GRK7: variants seen among roughly 807,000 people sequenced by gnomAD.
GRK7 encodes the protein rhodopsin kinase GRK7.
In GRK7, 24 loss-of-function variants were observed where a neutral mutation model predicts 34.1. The observed-to-expected ratio is 0.70, with a 90% CI of 0.51 to 0.99. GRK7 has a LOEUF of 0.99. Among genes scored for constraint, GRK7 ranks in the 50% least tolerant of loss-of-function variants. The pLI, the probability that GRK7 is intolerant of heterozygous loss-of-function variation, is 0.00. For synonymous variants in GRK7, 256 were observed against 279.4 expected (o/e 0.92, Z 0.84); for missense variants, 644 against 707.3 (o/e 0.91, Z 1.02).
At chr3:141,777,389 A>G (rs1261531512) in intron 2 of GRK7, among the ~76,000 whole-genome samples, 1 of 120,816 alleles carries the variant, frequency 8.3e-6, no homozygotes, top group African/African-American at 3.3e-5. Context: ...CAGTGGCGCA[A>G]TCTCGGCTCA....
intron 4 of GRK7, among the ~76,000 whole-genome samples, chr3:141,796,451 A>G (rs1333745940): frequency 6.6e-6 from 1 of 152,264 alleles, no homozygotes; most frequent in African/African-American, 2.4e-5. Context: ...CTTCAGTCAC[A>G]ATCCCCGCTG....
At chr3:141,767,309 A>G (rs1237009562) in intron 1 of GRK7, among the ~76,000 whole-genome samples, 1 of 152,198 alleles carries the variant, frequency 6.6e-6, no homozygotes, top group Non-Finnish European at 1.5e-5. Flanking sequence ...TTCATTATCA[A>G]TTGGAACAGA....
At chr3:141,792,918 T>C (rs777928966) in intron 4 of GRK7, among the ~76,000 whole-genome samples, 1 of 152,050 alleles carries the variant, frequency 6.6e-6, no homozygotes, top group Non-Finnish European at 1.5e-5. Flanking sequence ...GAAGACTCCA[T>C]AAAAACCCAA....
chr3:141,799,547 G>A (rs1710929348), intron 4 of GRK7, among the ~76,000 whole-genome samples: 1 of 152,070 alleles, frequency 6.6e-6, no homozygotes, highest in African/African-American at 2.4e-5. Flanking sequence ...GGGAGGTGGA[G>A]GTTGCAGTGA....
intron 1 of GRK7, among the ~76,000 whole-genome samples, chr3:141,767,564 A>AT (rs1225501855): frequency 4.0e-5 from 6 of 151,414 alleles, no homozygotes; most frequent in Middle Eastern, 3.4e-3. Flanking sequence ...CCATGCCCAG[A>AT]TTTTTTTTGT....
rs1280467798 is a variant in GRK7, at chr3:141,780,513, TTG to T, written c.754_755del (p.Val252LeufsTer7). ...TTGGAGAAGGTCAGCAGCCCTTTCA[TTG>T]TCTCTCTGGCCTATGCCTTTGAGAG... On this transcript the variant is annotated frameshift_variant, in exon 4 of 6. Coordinates refer to ENST00000682958, the MANE Select transcript of GRK7 (RefSeq NM_139209.3). LOFTEE classifies it high-confidence loss of function. The T allele has an allele frequency of 6.2e-7, 1 of 1,614,132 alleles. No individual in the cohort carries two copies. The highest frequency in any genetic ancestry group is 2.2e-5 in the East Asian group (1 of 44,894).
At chr3:141,809,590 C>T (rs1372404868) in intron 5 of GRK7, among the ~76,000 whole-genome samples, 1 of 151,682 alleles carries the variant, frequency 6.6e-6, no homozygotes, top group Non-Finnish European at 1.5e-5. Flanking sequence ...CCCAGCTACT[C>T]AAGAGGCTGA....
At position 141,816,812 on chromosome 3, in the gene GRK7, C is replaced by T. The variant is rs1411130395; in HGVS notation, c.1424C>T (p.Pro475Leu). The change falls in exon 6 of 6, where the codon CCT becomes CTT. Residue 475 changes from proline (P) to leucine (L), a missense_variant. Transcript: ENST00000682958. ...ATTGAACCCCCATTTGTGCCAGACCCTTCAGTGGTTTATGCCAAAGACATC... is the reference window on the plus strand; with the variant it reads ...ATTGAACCCCCATTTGTGCCAGACCTTTCAGTGGTTTATGCCAAAGACATC... ...GLIEPPFVPD[P>L]SVVYAKDIAE... 1.2e-6 allele frequency: 2 copies of T among 1,612,594 alleles called. No homozygotes were observed. Among genetic ancestry groups the T allele is most frequent in the Admixed American group, 1.7e-5 (1 of 59,896 alleles).
At chr3:141,799,733 A>G (rs1027319041) in intron 4 of GRK7, among the ~76,000 whole-genome samples, 16 of 152,204 alleles carry the variant, frequency 1.1e-4, no homozygotes, top group Non-Finnish European at 1.5e-4. Flanking sequence ...TAGGGTTACT[A>G]TGGAGATCAA....
In GRK7 at chr3:141,816,926, T is replaced by C; in HGVS notation, c.1538T>C (p.Val513Ala). The change falls in exon 6 of 6, where the codon GTT becomes GCT. Residue 513 changes from valine (V) to alanine (A), a missense_variant. Val to Ala is a moderately conservative substitution (Grantham distance 64, BLOSUM62 0). Transcript: ENST00000682958. ...QFFKNFATGA[V>A]PIAWQEEIIE... ...TTCAAAAACTTTGCGACAGGTGCTG[T>C]TCCTATAGCATGGCAGGAAGAAATT... The C allele has an allele frequency of 6.2e-7, 1 of 1,614,138 alleles. No individual in the cohort carries two copies. The highest frequency in any genetic ancestry group is 8.5e-7 in the Non-Finnish European group (1 of 1,180,004).
At chr3:141,762,200 T>C (rs569646355), upstream of GRK7, among the ~76,000 whole-genome samples, 3 of 150,924 alleles carry the variant, frequency 2.0e-5, no homozygotes, top group African/African-American at 7.4e-5. Flanking sequence ...CTCTGCGTTT[T>C]AGAGTTTCCA....
chr3:141,759,580 G>A (rs879781580), upstream of GRK7, among the ~76,000 whole-genome samples: 1,354 of 125,140 alleles, frequency 0.011, 109 homozygotes, highest in East Asian at 0.21. Flanking sequence ...GAGGATTTTT[G>A]CATCAATGTT....
At chr3:141,763,002 A>G (rs951264447), upstream of GRK7, among the ~76,000 whole-genome samples, 1 of 152,260 alleles carries the variant, frequency 6.6e-6, no homozygotes, top group East Asian at 1.9e-4. Flanking sequence ...CGGTGCGCGC[A>G]CCCACTGGCC....
intron 4 of GRK7, among the ~76,000 whole-genome samples, chr3:141,803,748 G>A (rs777023234): frequency 2.6e-5 from 4 of 152,184 alleles, no homozygotes; most frequent in Non-Finnish European, 2.9e-5. Context: ...CCAAGACGGA[G>A]TCTTGCTGTG....
chr3:141,782,648 G>T (rs961086260), intron 4 of GRK7, among the ~76,000 whole-genome samples: 1 of 152,008 alleles, frequency 6.6e-6, no homozygotes, highest in African/African-American at 2.4e-5. Flanking sequence ...ACATGTGGGG[G>T]TATAGAAGAA....
At position 141,807,815 on chromosome 3, in the gene GRK7, T is replaced by C. The variant is rs1711052000; in HGVS notation, c.1221T>C (p.Thr407=). Residue 407 remains threonine, a synonymous_variant, in exon 5 of 6, where the codon ACT becomes ACC. Coordinates refer to ENST00000682958, the MANE Select transcript of GRK7 (RefSeq NM_139209.3). ...KVSKEDLKQR[T]LQDEVKFQHD... ...GTAAAGAGGATCTGAAGCAAAGAACTCTGCAAGACGAGGTCAAATTCCAGC... is the reference window on the plus strand; with the variant it reads ...GTAAAGAGGATCTGAAGCAAAGAACCCTGCAAGACGAGGTCAAATTCCAGC... 6.2e-7 allele frequency: 1 copy of C among 1,614,170 alleles called. No homozygotes were observed. The highest frequency in any genetic ancestry group is 8.5e-7 in the Non-Finnish European group (1 of 1,180,002).
chr3:141,776,707 A>G (rs576718576), intron 2 of GRK7, among the ~76,000 whole-genome samples: 186 of 152,372 alleles, frequency 1.2e-3, no homozygotes, highest in Non-Finnish European at 2.1e-3. Context: ...AGGCTCTGAC[A>G]GGCAGAGCAA....
intron 4 of GRK7, among the ~76,000 whole-genome samples, chr3:141,797,107 ACT>A (rs1710891418): frequency 6.6e-6 from 1 of 151,740 alleles, no homozygotes. Context: ...TTCACCCCAG[ACT>A]CTATGCCTGC....
At chr3:141,780,090 CTT>C (rs2107878133) in intron 3 of GRK7, among the ~76,000 whole-genome samples, 1 of 152,340 alleles carries the variant, frequency 6.6e-6, no homozygotes, top group East Asian at 1.9e-4. Context: ...AGCCACCAAA[CTT>C]TCCACATTTT....
Sources: allele counts gnomAD v4.1 joint callset (sites outside exome capture counted in the v4.1 genomes callset), GRCh38; gene constraint gnomAD v4.1.1; transcripts MANE v1.5; gene names NCBI Gene and HGNC (gene_info 2026-07-23, HGNC 2026-07-21).